The following INTU variants were observed in gnomAD, a reference collection of about 807,000 sequenced individuals.
INTU encodes the protein inturned planar cell polarity protein.
INTU carries 68 observed loss-of-function variants against 100.5 expected under a neutral mutation model. That is an observed-to-expected ratio of 0.68 (90% confidence interval 0.56 to 0.83). INTU has a LOEUF of 0.83. Among genes scored for constraint, INTU ranks in the 40% least tolerant of loss-of-function variants. The probability of loss-of-function intolerance (pLI) is 0.00; values close to 1 mark genes in which losing one functional copy is unlikely to be tolerated. For synonymous variants in INTU, 357 were observed against 395.7 expected (o/e 0.90, Z 1.16); for missense variants, 1,071 against 1,114.7 (o/e 0.96, Z 0.56).
At position 127,695,018 on chromosome 4, in the gene INTU, A is replaced by C. The variant is rs551395352; in HGVS notation, c.1450-4992A>C. 5.3e-5 allele frequency among the ~76,000 whole-genome samples: 8 copies of C among 152,304 alleles called. No homozygotes were observed. The East Asian group carries it at 1.5e-3, about 29-fold the overall frequency. On this transcript the variant is annotated intron_variant, in intron 8 of 15. Transcript: ENST00000335251. ...TTTGCTTCTCCATATAAACTTTAGA[A>C]TACCTTGTTGGAATTTTGATTGGGA...
At chr4:127,680,887 A>C (rs1187512237) in intron 6 of INTU, among the ~76,000 whole-genome samples, 16 of 152,184 alleles carry the variant, frequency 1.1e-4, no homozygotes, top group South Asian at 6.2e-4. Flanking sequence ...TTAAGCTGAT[A>C]AGCAACTTCA....
chr4:127,679,503 G>A (rs1042736271), intron 6 of INTU, among the ~76,000 whole-genome samples: 1 of 152,116 alleles, frequency 6.6e-6, no homozygotes, highest in African/African-American at 2.4e-5. Context: ...CTGAATGACT[G>A]CTGGGTACAT....
chr4:127,712,483 G>T (rs1391484611), intron 14 of INTU, among the ~76,000 whole-genome samples: 1 of 152,076 alleles, frequency 6.6e-6, no homozygotes, highest in Non-Finnish European at 1.5e-5. Flanking sequence ...TACCTACTCT[G>T]CACCAGACAC....
Position 127,663,574 on chromosome 4 carries a change from CAAAGG to C in INTU, c.965_969del (p.Lys322ArgfsTer12), listed in dbSNP as rs1560843973. On this transcript the variant is annotated frameshift_variant, in exon 4 of 16. Coordinates refer to ENST00000335251, the MANE Select transcript of INTU (RefSeq NM_015693.4). LOFTEE classifies it high-confidence loss of function. Reference sequence around the variant, plus strand: ...ACACTACAGCTCGACTCAGAAACCTCAAAGGAAGAGGTGAGTGTCCTCAAAAGTCC... The same window carrying C: ...ACACTACAGCTCGACTCAGAAACCTCAAGAGGTGAGTGTCCTCAAAAGTCC... The C allele has an allele frequency of 6.2e-7, 1 of 1,612,776 alleles. No homozygotes were observed. Among genetic ancestry groups the C allele is most frequent in the East Asian group, 2.2e-5 (1 of 44,852 alleles).
At chr4:127,637,912 A>AT (rs1727144500) in intron 1 of INTU, among the ~76,000 whole-genome samples, 1 of 152,212 alleles carries the variant, frequency 6.6e-6, no homozygotes, top group Non-Finnish European at 1.5e-5. Context: ...ACAGTTATGC[A>AT]TTTATTGACT....
At chr4:127,658,361 CAG>C (rs571107405) in intron 3 of INTU, among the ~76,000 whole-genome samples, 127 of 152,230 alleles carry the variant, frequency 8.3e-4, no homozygotes, top group African/African-American at 2.6e-3. Context: ...TAGTAACAAT[CAG>C]GGGGACATCA....
intron 2 of INTU, among the ~76,000 whole-genome samples, chr4:127,651,033 T>A (rs1397338336): frequency 6.6e-6 from 1 of 152,228 alleles, no homozygotes; most frequent in Non-Finnish European, 1.5e-5. Flanking sequence ...GAAGTGTCTG[T>A]TCATGTCCTT....
chr4:127,679,054 T>G (rs1729378917), intron 6 of INTU, among the ~76,000 whole-genome samples: 1 of 152,076 alleles, frequency 6.6e-6, no homozygotes, highest in Non-Finnish European at 1.5e-5. Context: ...AAGAGCTAAC[T>G]ATCCTAAATA....
At chr4:127,677,182 A>G (rs1291360641) in intron 6 of INTU, among the ~76,000 whole-genome samples, 1 of 152,064 alleles carries the variant, frequency 6.6e-6, no homozygotes, top group Non-Finnish European at 1.5e-5. Flanking sequence ...GGCACAGACG[A>G]AAAAAAAGAC....
intron 5 of INTU, among the ~76,000 whole-genome samples, chr4:127,673,623 G>A (rs1045520386): frequency 1.4e-4 from 21 of 149,146 alleles, no homozygotes; most frequent in Admixed American, 1.1e-3. Flanking sequence ...TTGAGATAGA[G>A]TCTCACTGTG....
At chr4:127,652,833 T>C (rs1173749828) in intron 2 of INTU, among the ~76,000 whole-genome samples, 1 of 133,962 alleles carries the variant, frequency 7.5e-6, no homozygotes, top group Non-Finnish European at 1.6e-5. Context: ...AGAATTCGGC[T>C]GTGAATCCAT....
At chr4:127,643,456 A>G (rs895781600) in intron 1 of INTU, 65 bp from the exon 2 acceptor site, 1 of 1,358,462 alleles carries the variant, frequency 7.4e-7, no homozygotes, top group Non-Finnish European at 1.0e-6. Flanking sequence ...CCCCCATGCC[A>G]GGATGACATA....
intron 4 of INTU, among the ~76,000 whole-genome samples, chr4:127,664,432 T>C (rs1405984959): frequency 6.6e-6 from 1 of 151,996 alleles, no homozygotes; most frequent in Non-Finnish European, 1.5e-5. Flanking sequence ...CTTGTCTGCT[T>C]TGCCTATTCA....
At chr4:127,714,123 A>G in intron 15 of INTU, 30 bp downstream of exon 15, 1 of 1,574,378 alleles carries the variant, frequency 6.4e-7, no homozygotes, top group African/African-American at 1.4e-5. Context: ...ATTTGAAAGT[A>G]AAGTGTTAGA....
rs1450203492 is a variant in INTU at position 127,726,035 on chromosome 4, CCAA to C, written c.*9604_*9606del. 2 of 152,142 alleles carry C rather than the reference CCAA, an allele frequency of 1.3e-5. No individual in the cohort carries two copies. The highest frequency in any genetic ancestry group is 2.4e-5 in the African/African-American group (1 of 41,432). The allele number at this position is 152,142 out of a possible 1,614,324, so 9.4% of individuals were successfully genotyped here. ...ATTAGTATGCAAATGTTCCCTTCCA[CCAA>C]CAACTATTAATGTGAAAAACTATAT... On this transcript the variant is annotated 3_prime_UTR_variant, in exon 16 of 16. Transcript: ENST00000335251.
In INTU at chr4:127,705,701, G is replaced by T; in HGVS notation, c.1677G>T (p.Leu559Phe). ...CAGCAAAACAAAGAATTGGTCAGTT[G>T]ATCATATGGAGAGAAGTGTTTCCTC... ...PLAAKQRIGQ[L>F]IIWREVFPQH... The change falls in exon 11 of 16, where the codon TTG becomes TTT. Residue 559 changes from leucine to phenylalanine, a missense_variant. Transcript: ENST00000335251. 1 of 1,614,008 alleles carries T rather than the reference G, an allele frequency of 6.2e-7. No individual in the cohort carries two copies. Among genetic ancestry groups the T allele is most frequent in the Non-Finnish European group, 8.5e-7 (1 of 1,179,938 alleles).
At chr4:127,707,300 T>G (rs561635636) in intron 12 of INTU, among the ~76,000 whole-genome samples, 7 of 145,604 alleles carry the variant, frequency 4.8e-5, no homozygotes, top group African/African-American at 1.8e-4. Flanking sequence ...CAAGAATTGC[T>G]TAAACTCAGG....
In INTU at chr4:127,674,214, G is replaced by GT; in HGVS notation, c.1181+2dup. 1.2e-6 allele frequency: 2 copies of GT among 1,601,474 alleles called. No homozygotes were observed. The highest frequency in any genetic ancestry group is 1.7e-6 in the Non-Finnish European group (2 of 1,171,892). On this transcript the variant is annotated splice_donor_variant, in intron 6 of 15. Transcript: ENST00000335251. LOFTEE classifies it high-confidence loss of function. The stretch of plus-strand genomic sequence containing the variant: ...TGCTAATTGGCCTGCCTGCTGAAGA[G>GT]TAAGTTGAGGTTTTGCTTACCTTAA...
intron 4 of INTU, among the ~76,000 whole-genome samples, chr4:127,665,584 T>G (rs1168219122): frequency 2.6e-5 from 4 of 152,168 alleles, no homozygotes; most frequent in African/African-American, 9.7e-5. Flanking sequence ...AATCCTAATG[T>G]CTCAGTGGCT....
Sources: gnomAD v4.1 joint callset for allele counts (sites outside exome capture counted in the v4.1 genomes callset) on GRCh38, gnomAD v4.1.1 for gene constraint, MANE v1.5 for transcripts, NCBI Gene and HGNC (gene_info 2026-07-23, HGNC 2026-07-21) for gene names.